Variants in ZMYND19 observed in about 807,000 individuals in gnomAD.
ZMYND19 encodes zinc finger MYND domain-containing protein 19.
Under a neutral mutation model 32.0 loss-of-function variants are expected in ZMYND19, and 17 were observed. The observed-to-expected ratio is 0.53, with a 90% CI of 0.36 to 0.80. The LOEUF (loss-of-function observed/expected upper bound fraction) is 0.80, where lower values mean the gene tolerates loss of function less well. ZMYND19 is among the 30% of genes least tolerant of loss of function. The pLI is 0.00. For synonymous variants in ZMYND19, 124 were observed against 113.6 expected, an observed-to-expected ratio of 1.09 and a Z score of -0.58; for missense variants, 250 against 293.6, an observed-to-expected ratio of 0.85 and a Z score of 1.09.
chr9:137,588,412 G>A (rs1842230484), intron 2 of ZMYND19, among the ~76,000 whole-genome samples: 1 of 152,154 alleles, frequency 6.6e-6, no homozygotes, highest in Non-Finnish European at 1.5e-5. Context: ...GGCAGCTGGG[G>A]TGAAAGTGAG....
At position 137,583,126 on chromosome 9, in the gene ZMYND19, G is replaced by A. The variant is rs1564489709; in HGVS notation, c.397C>T (p.Pro133Ser). 3.1e-6 allele frequency: 5 copies of A among 1,614,110 alleles called. No individual in the cohort carries two copies. The highest frequency in any genetic ancestry group is 2.2e-5 in the East Asian group (1 of 44,892). The part of the protein sequence containing the change: ...SLYWLAIQQL[P>S]TDPIEEQFPV... ...AACTGTTCTTCTATAGGGTCTGTAG[G>A]CAGCTGCTGAATTGCAAGCCAATAC... Residue 133 changes from proline to serine, a missense_variant, in exon 5 of 6, where the codon CCT becomes TCT. Pro to Ser is a moderately conservative substitution (Grantham distance 74). Transcript: ENST00000298585.
At chr9:137,584,993 C>A (rs1039499544) in intron 4 of ZMYND19, among the ~76,000 whole-genome samples, 1 of 152,124 alleles carries the variant, frequency 6.6e-6, no homozygotes, top group Non-Finnish European at 1.5e-5. Flanking sequence ...ACATAATCCC[C>A]GAAAGAATAA....
chr9:137,585,453 T>G (rs1191259241), intron 4 of ZMYND19, among the ~76,000 whole-genome samples: 3 of 149,008 alleles, frequency 2.0e-5, no homozygotes, highest in Non-Finnish European at 4.4e-5. Flanking sequence ...GCAAGAGGAT[T>G]CCCTGAAGCC....
rs1396692040 is a variant in ZMYND19, at chr9:137,587,126, C to A, written c.219-19G>T. 6.2e-7 allele frequency: 1 copy of A among 1,600,546 alleles called. No homozygotes were observed. The highest frequency in any genetic ancestry group is 1.1e-5 in the South Asian group (1 of 91,024). ...CCGCTCCCTAGAAACAGACAGCAAA[C>A]CCTGCATCTAACCCTGCATCGCTGC... On this transcript the variant is annotated intron_variant, in intron 3 of 5. Transcript: ENST00000298585.
chr9:137,582,747 C>A, intron 5 of ZMYND19, 61 bp from the exon 6 acceptor site: 1 of 1,583,962 alleles, frequency 6.3e-7, no homozygotes, highest in Non-Finnish European at 8.6e-7. Context: ...GGGGCAAAGG[C>A]TGCGTCTTAC....
At chr9:137,588,834 C>G in intron 1 of ZMYND19, 116 bp from the exon 2 acceptor site, 10 of 1,182,770 alleles carry the variant, frequency 8.5e-6, no homozygotes, top group Non-Finnish European at 1.2e-5. Context: ...TGGAAAGTAA[C>G]TACAGGCCTC....
At chr9:137,589,305 C>A in intron 1 of ZMYND19, 1 of 984,064 alleles carries the variant, frequency 1.0e-6, no homozygotes, top group African/African-American at 1.7e-5. Context: ...GCAGGCCCTG[C>A]CTATGCTCTT....
At chr9:137,588,975 C>T in intron 1 of ZMYND19, 1 of 495,798 alleles carries the variant, frequency 2.0e-6, no homozygotes, top group Non-Finnish European at 3.7e-6. Context: ...GAGCTGGTAT[C>T]AGGCTTCATC....
Position 137,582,209 on chromosome 9 carries a change from TG to T in ZMYND19, c.*333del, listed in dbSNP as rs926755970. 1.8e-4 allele frequency: 40 copies of T among 218,154 alleles called. No homozygotes were observed. Among genetic ancestry groups the T allele is most frequent in the African/African-American group, 8.9e-4 (39 of 43,662 alleles). The allele number at this position is 218,154 out of a possible 1,614,324, so 13.5% of individuals were successfully genotyped here. A position where few individuals can be genotyped will look rare whatever the true frequency, so the allele number is the denominator to read the frequency against. On this transcript the variant is annotated 3_prime_UTR_variant, in exon 6 of 6. Coordinates refer to ENST00000298585, the MANE Select transcript of ZMYND19 (RefSeq NM_138462.3). ...TTTTTAGTCACGTGGCCTGACCGTTTGCCATTTAAGGATTACAGCAAATGAT... is the reference window on the plus strand; with the variant it reads ...TTTTTAGTCACGTGGCCTGACCGTTTCCATTTAAGGATTACAGCAAATGAT...
At chr9:137,588,592 C>A in intron 2 of ZMYND19, 67 bp downstream of exon 2, 2 of 1,568,678 alleles carry the variant, frequency 1.3e-6, no homozygotes, top group Non-Finnish European at 1.8e-6. Flanking sequence ...GGAGAGAGCT[C>A]GTTCCTCGTG....
intron 4 of ZMYND19, among the ~76,000 whole-genome samples, chr9:137,585,654 T>C (rs954754652): frequency 2.0e-5 from 3 of 151,926 alleles, no homozygotes; most frequent in Admixed American, 6.6e-5. Context: ...CCCTCCAGGG[T>C]GGCAGGAACA....
rs760969071 is a variant in ZMYND19, at chr9:137,583,171, AAAG to A, written c.360-11_360-9del. ...CAATACAAGCTTTGCTCCCTTAAAG[AAAG>A]AAGCAGACACTTGAGTGCACTCTGG... On this transcript the variant is annotated splice_polypyrimidine_tract_variant and intron_variant, in intron 4 of 5. Coordinates refer to ENST00000298585, the MANE Select transcript of ZMYND19 (RefSeq NM_138462.3). 1 of 1,613,184 alleles carries A rather than the reference AAAG, an allele frequency of 6.2e-7. No individual in the cohort carries two copies. Among genetic ancestry groups the A allele is most frequent in the Non-Finnish European group, 8.5e-7 (1 of 1,179,476 alleles).
chr9:137,590,288 C>T lies in ZMYND19; in HGVS notation c.-25G>A, dbSNP rs781350979. On this transcript the variant is annotated 5_prime_UTR_variant, in exon 1 of 6. Transcript: ENST00000298585. This position sits in a 1 kb window ranked among gnomAD's most constrained non-coding sequence, Gnocchi z 4.2. ...TGGCCGGGCCTGCGCTCTCGGCCGG[C>T]AGCGCCGCTCCCTCGGGAGGCGCCG... 17 of 1,057,806 alleles carry T rather than the reference C, an allele frequency of 1.6e-5. No homozygotes were observed. Among genetic ancestry groups the T allele is most frequent in the Non-Finnish European group, 1.8e-5 (16 of 875,256 alleles). The allele number at this position is 1,057,806 out of a possible 1,614,324, so 65.5% of individuals were successfully genotyped here. A position where few individuals can be genotyped will look rare whatever the true frequency, so the allele number is the denominator to read the frequency against.
At chr9:137,589,667 G>A (rs1404616230) in intron 1 of ZMYND19, 1 of 985,342 alleles carries the variant, frequency 1.0e-6, no homozygotes, top group Non-Finnish European at 1.2e-6. Context: ...TCTCTGCTCC[G>A]AGTCTGAGGC....
rs573065792 is a variant in ZMYND19 at position 137,589,583 on chromosome 9, G to C, written c.51+630C>G. On this transcript the variant is annotated intron_variant, in intron 1 of 5. Coordinates refer to ENST00000298585, the MANE Select transcript of ZMYND19 (RefSeq NM_138462.3). The stretch of plus-strand genomic sequence containing the variant: ...CATGGAATCCCCAGCCTCAAACGTG[G>C]AGCGTGGGGGCCAAGTAAGAAGAGA... The C allele has an allele frequency of 2.0e-5, 20 of 985,464 alleles. 1 individual carries two copies. The South Asian group carries it at 8.5e-4, about 42-fold the overall frequency. The allele number at this position is 985,464 out of a possible 1,614,324, so 61.0% of individuals were successfully genotyped here.
At chr9:137,582,740 G>A in intron 5 of ZMYND19, 54 bp from the exon 6 acceptor site, 2 of 1,590,896 alleles carry the variant, frequency 1.3e-6, no homozygotes, top group Admixed American at 1.7e-5. Flanking sequence ...GCAGTGTGGG[G>A]CAAAGGCTGC....
intron 5 of ZMYND19, 67 bp from the exon 6 acceptor site, chr9:137,582,753 C>G: frequency 6.3e-7 from 1 of 1,577,088 alleles, no homozygotes. Flanking sequence ...AAGGCTGCGT[C>G]TTACGGACAA....
Position 137,588,665 on chromosome 9 carries a change from G to C in ZMYND19, c.105C>G (p.Ser35=). The C allele has an allele frequency of 6.2e-7, 1 of 1,614,190 alleles. No homozygotes were observed. ...EQDIPLVESY[S]FEARMEVDAD... The stretch of plus-strand genomic sequence containing the variant: ...AACAGCCATCCTTACTTACCTCAAA[G>C]GAGTAGCTCTCCACCAGCGGGATGT... The change falls in exon 2 of 6, where the codon TCC becomes TCG. Residue 35 remains serine, a synonymous_variant. Coordinates refer to ENST00000298585, the MANE Select transcript of ZMYND19 (RefSeq NM_138462.3).
chr9:137,588,852 C>G (rs1240524454), intron 1 of ZMYND19, 134 bp from the exon 2 acceptor site: 5 of 935,560 alleles, frequency 5.3e-6, no homozygotes, highest in Non-Finnish European at 8.4e-6. Flanking sequence ...CTCTTCAGAC[C>G]AAGACAGCTC....
Sources: allele counts gnomAD v4.1 joint callset (sites outside exome capture counted in the v4.1 genomes callset), GRCh38; gene constraint gnomAD v4.1.1; non-coding constraint Gnocchi (gnomAD v3.1); transcripts MANE v1.5; gene names NCBI Gene and HGNC (gene_info 2026-07-23, HGNC 2026-07-21).